Variants in KITLG observed in about 807,000 individuals in gnomAD.
KITLG encodes the protein KIT ligand, also known as c-Kit ligand.
In KITLG, 13 loss-of-function variants were observed where a neutral mutation model predicts 34.1. That is an observed-to-expected ratio of 0.38 (90% CI 0.25 to 0.61). The LOEUF (loss-of-function observed/expected upper bound fraction) is 0.61. Among genes scored for constraint, KITLG ranks in the 20% least tolerant of loss-of-function variants. The pLI is 0.60. For synonymous variants in KITLG, 110 were observed against 104.0 expected, an observed-to-expected ratio of 1.06 and a Z score of -0.35; for missense variants, 292 against 318.9, an observed-to-expected ratio of 0.92 and a Z score of 0.64.
chr12:88,528,528 A>G (rs1257780227), intron 3 of KITLG, among the ~76,000 whole-genome samples: 1 of 152,102 alleles, frequency 6.6e-6, no homozygotes, highest in Non-Finnish European at 1.5e-5. Context: ...CAAAAAAGCT[A>G]AATTGAAATG....
At chr12:88,553,234 T>C (rs1870980709) in intron 1 of KITLG, among the ~76,000 whole-genome samples, 1 of 152,338 alleles carries the variant, frequency 6.6e-6, no homozygotes. Context: ...TTAAATGACA[T>C]GTTCCAATAT....
intron 3 of KITLG, among the ~76,000 whole-genome samples, chr12:88,525,004 T>C (rs1449435752): frequency 1.3e-5 from 2 of 152,138 alleles, no homozygotes; most frequent in East Asian, 3.9e-4. Context: ...GGTAGACACC[T>C]GACTTGGATA....
intron 2 of KITLG, among the ~76,000 whole-genome samples, chr12:88,536,380 G>A (rs187521043): frequency 6.6e-6 from 1 of 152,076 alleles, no homozygotes; most frequent in African/African-American, 2.4e-5. Context: ...TGGCTGTCAT[G>A]TTGGTGGGAG....
intron 3 of KITLG, among the ~76,000 whole-genome samples, chr12:88,528,803 G>A (rs977489351): frequency 1.3e-5 from 2 of 152,104 alleles, no homozygotes; most frequent in African/African-American, 2.4e-5. Context: ...TGGATTAAAC[G>A]GCACATGGGT....
rs567777042 is a variant in KITLG at position 88,560,695 on chromosome 12, C to T, written c.16-14830G>A. Among the ~76,000 whole-genome samples the T allele has an allele frequency of 9.2e-5, 14 of 152,204 alleles. No individual in the cohort carries two copies. In the East Asian group the frequency reaches 2.3e-3, roughly 25 times the overall value. On this transcript the variant is annotated intron_variant, in intron 1 of 9. Transcript: ENST00000644744. Reference sequence around the variant, plus strand: ...TTTAGAAAACAGTGTGTTGGCTGGGCGCTGTGGCTCACGCCTGTAATCCCA... The same window carrying T: ...TTTAGAAAACAGTGTGTTGGCTGGGTGCTGTGGCTCACGCCTGTAATCCCA...
At position 88,496,469 on chromosome 12, in the gene KITLG, GTTC is replaced by G. The variant is rs1312801289; in HGVS notation, c.*747_*749del. On this transcript the variant is annotated 3_prime_UTR_variant, in exon 10 of 10. Transcript: ENST00000644744. ...TTGGCAGACTGTTCTGATGTTCAGT[GTTC>G]TTAACTTCTTCCTGCGATGACTCTT... 2 of 152,196 alleles carry G rather than the reference GTTC, an allele frequency of 1.3e-5. No homozygotes were observed. Among genetic ancestry groups the G allele is most frequent in the African/African-American group, 4.8e-5 (2 of 41,450 alleles). 9.4% of individuals were successfully genotyped at this position (152,196 alleles called of 1,614,324 possible). A position where few individuals can be genotyped will look rare whatever the true frequency, so the allele number is the denominator to read the frequency against.
At chr12:88,538,992 A>G (rs1440532067) in intron 2 of KITLG, among the ~76,000 whole-genome samples, 2 of 152,184 alleles carry the variant, frequency 1.3e-5, no homozygotes, top group Non-Finnish European at 2.9e-5. Flanking sequence ...CATCCATGGG[A>G]GAACAGCATT....
intron 2 of KITLG, among the ~76,000 whole-genome samples, chr12:88,537,854 C>T (rs1250560620): frequency 1.3e-5 from 2 of 152,028 alleles, no homozygotes; most frequent in Non-Finnish European, 2.9e-5. Flanking sequence ...CTATGGCCTG[C>T]AACTTGGAAA....
Position 88,494,756 on chromosome 12 carries a change from C to T in KITLG, c.*2463G>A, listed in dbSNP as rs41306942. On this transcript the variant is annotated 3_prime_UTR_variant, in exon 10 of 10. Transcript: ENST00000644744. ...TCATTTTAAAAGGTAATTTTGAAAC[C>T]TTCCAAGATGGAACTGTCAGATACA... 6.6e-6 allele frequency: 1 copy of T among 152,282 alleles called. No homozygotes were observed. The highest frequency in any genetic ancestry group is 2.4e-5 in the African/African-American group (1 of 41,510). 9.4% of individuals were successfully genotyped at this position (152,282 alleles called of 1,614,324 possible).
At chr12:88,520,995 C>A (rs1351883711) in intron 3 of KITLG, among the ~76,000 whole-genome samples, 2 of 152,098 alleles carry the variant, frequency 1.3e-5, no homozygotes, top group Non-Finnish European at 2.9e-5. Context: ...AAGTCATGAA[C>A]AATTTGTTGA....
intron 2 of KITLG, among the ~76,000 whole-genome samples, chr12:88,541,284 A>G (rs773497910): frequency 8.5e-5 from 13 of 152,296 alleles, no homozygotes; most frequent in Non-Finnish European, 1.5e-4. Context: ...CTATCTTACT[A>G]ATTTGTAGAC....
At chr12:88,568,915 A>G (rs1871546891) in intron 1 of KITLG, among the ~76,000 whole-genome samples, 1 of 152,234 alleles carries the variant, frequency 6.6e-6, no homozygotes, top group Non-Finnish European at 1.5e-5. Context: ...GAAGTTTAAG[A>G]GAAGGTTAAG....
At position 88,496,929 on chromosome 12, in the gene KITLG, A is replaced by T. The variant is rs1249999059; in HGVS notation, c.*290T>A. The T allele has an allele frequency of 5.7e-6, 1 of 175,378 alleles. No homozygotes were observed. The highest frequency in any genetic ancestry group is 2.4e-5 in the African/African-American group (1 of 41,782). The allele number at this position is 175,378 out of a possible 1,614,324, so 10.9% of individuals were successfully genotyped here. On this transcript the variant is annotated 3_prime_UTR_variant, in exon 10 of 10. Coordinates refer to ENST00000644744, the MANE Select transcript of KITLG (RefSeq NM_000899.5). Reference sequence around the variant, plus strand: ...TGAGACACGTGCTTTCTCTTCCAACATCAGCTGCAAGTTCTAAATGAGACC... The same window carrying T: ...TGAGACACGTGCTTTCTCTTCCAACTTCAGCTGCAAGTTCTAAATGAGACC...
chr12:88,519,953 A>G (rs1869597802), intron 3 of KITLG, among the ~76,000 whole-genome samples: 2 of 152,158 alleles, frequency 1.3e-5, no homozygotes, highest in African/African-American at 2.4e-5. Context: ...AAAGTATAGA[A>G]GGGACCACTT....
intron 1 of KITLG, among the ~76,000 whole-genome samples, chr12:88,572,838 C>T (rs564402566): frequency 6.6e-6 from 1 of 152,142 alleles, no homozygotes; most frequent in East Asian, 1.9e-4. Flanking sequence ...TTCTCCTATA[C>T]TGTGATAATG....
chr12:88,515,503 T>C, intron 6 of KITLG, 31 bp downstream of exon 6: 1 of 1,389,960 alleles, frequency 7.2e-7, no homozygotes, highest in East Asian at 2.3e-5. Flanking sequence ...ATTGGAGCCA[T>C]GCATGCATTA....
intron 1 of KITLG, among the ~76,000 whole-genome samples, chr12:88,554,702 A>G (rs1871041552): frequency 6.6e-6 from 1 of 152,218 alleles, no homozygotes; most frequent in Non-Finnish European, 1.5e-5. Flanking sequence ...CATTTGGTGA[A>G]TAACCATTCA....
intron 1 of KITLG, among the ~76,000 whole-genome samples, chr12:88,552,135 G>C (rs994068967): frequency 2.0e-5 from 3 of 151,760 alleles, no homozygotes; most frequent in Admixed American, 6.6e-5. Context: ...TTTGATGTAA[G>C]TGAGCCTTAT....
At chr12:88,557,387 C>T (rs1169447920) in intron 1 of KITLG, among the ~76,000 whole-genome samples, 1 of 151,954 alleles carries the variant, frequency 6.6e-6, no homozygotes, top group Non-Finnish European at 1.5e-5. Flanking sequence ...TAATTAGTAA[C>T]AATGGTTTAA....
Sources: allele counts gnomAD v4.1 joint callset (sites outside exome capture counted in the v4.1 genomes callset), GRCh38; gene constraint gnomAD v4.1.1; transcripts MANE v1.5; gene names NCBI Gene and HGNC (gene_info 2026-07-23, HGNC 2026-07-21).